NECAP2: variants seen among roughly 807,000 people sequenced by gnomAD.
NECAP2 encodes the protein adaptin ear-binding coat-associated protein 2.
NECAP2 carries 38 observed loss-of-function variants against 37.8 expected under a neutral mutation model. The ratio of observed to expected loss-of-function variants is 1.01; its 90% confidence interval spans 0.78 to 1.32. The LOEUF is 1.32. Among genes scored for constraint, NECAP2 ranks in the 40% most tolerant of loss-of-function variants. The pLI is 0.00. For synonymous variants in NECAP2, 121 were observed against 127.7 expected (o/e 0.95, Z 0.35); for missense variants, 316 against 334.5 (o/e 0.94, Z 0.43).
rs564397655 is a variant in NECAP2 at position 16,448,324 on chromosome 1, T to G, written c.380+183T>G. ...TCATCTCTGCTGTAAAGCCTTCTCTTTTACCTGAGGCTCATCTCTACCATC... is the reference window on the plus strand; with the variant it reads ...TCATCTCTGCTGTAAAGCCTTCTCTGTTACCTGAGGCTCATCTCTACCATC... On this transcript the variant is annotated intron_variant, in intron 4 of 7. Transcript: ENST00000337132. 1.3e-4 allele frequency: 87 copies of G among 646,838 alleles called. No individual in the cohort carries two copies. In the East Asian group the frequency reaches 2.2e-3, roughly 17 times the overall value. The allele number at this position is 646,838 out of a possible 1,614,324, so 40.1% of individuals were successfully genotyped here. A position where few individuals can be genotyped will look rare whatever the true frequency, so the allele number is the denominator to read the frequency against.
intron 6 of NECAP2, among the ~76,000 whole-genome samples, chr1:16,454,442 G>A (rs1202593748): frequency 6.6e-6 from 1 of 151,800 alleles, no homozygotes; most frequent in African/African-American, 2.4e-5. Flanking sequence ...TGCAACCTCC[G>A]CTTCCTGGGT....
intron 6 of NECAP2, chr1:16,455,613 A>G (rs571014666): frequency 5.2e-6 from 3 of 575,858 alleles, no homozygotes; most frequent in Admixed American, 5.9e-5. Context: ...CAGAGCGCAC[A>G]AGGGCTGGTG....
Position 16,440,767 on chromosome 1 carries a change from G to A in NECAP2, c.6G>A (p.Glu2=). Residue 2 remains glutamate, a synonymous_variant, in exon 1 of 8, where the codon GAG becomes GAA. Coordinates refer to ENST00000337132, the MANE Select transcript of NECAP2 (RefSeq NM_018090.5). M[E]ESGYESVLCV... ...GGTGGGCTCCAGGCGTCGCGATGGA[G>A]GAGAGCGGGTACGAGTCGGTGCTCT... 6.2e-7 allele frequency: 1 copy of A among 1,613,960 alleles called. No homozygotes were observed. The highest frequency in any genetic ancestry group is 8.5e-7 in the Non-Finnish European group (1 of 1,179,812).
chr1:16,445,902 A>AAAAAG (rs893237534), intron 2 of NECAP2, among the ~76,000 whole-genome samples: 3 of 151,296 alleles, frequency 2.0e-5, no homozygotes, highest in Non-Finnish European at 3.0e-5. Flanking sequence ...AGACTGTCTC[A>AAAAAG]AAAAGAAAAG....
Position 16,440,760 on chromosome 1 carries a change from C to T in NECAP2, c.-2C>T, listed in dbSNP as rs746257632. The T allele has an allele frequency of 1.7e-5, 27 of 1,612,970 alleles. No homozygotes were observed. The highest frequency in any genetic ancestry group is 8.0e-5 in the African/African-American group (6 of 74,906). ...GAAGTTCGGTGGGCTCCAGGCGTCG[C>T]GATGGAGGAGAGCGGGTACGAGTCG... On this transcript the variant is annotated 5_prime_UTR_variant, in exon 1 of 8. Transcript: ENST00000337132.
chr1:16,455,381 G>A (rs980997129), intron 6 of NECAP2: 1 of 174,780 alleles, frequency 5.7e-6, no homozygotes, highest in African/African-American at 2.4e-5. Context: ...AGTTCATCCA[G>A]ACATGGTAGT....
At position 16,443,662 on chromosome 1, in the gene NECAP2, A is replaced by G. The variant is rs756741997; in HGVS notation, c.123A>G (p.Ser41=). Residue 41 remains serine (S), a synonymous_variant, in exon 2 of 8, where the codon TCA becomes TCG. Coordinates refer to ENST00000337132, the MANE Select transcript of NECAP2 (RefSeq NM_018090.5). ...CGGAGTGGCAGCTGGACCAGCCATCATGGAGTGGCCGGCTGAGGATCACTG... is the reference window on the plus strand; with the variant it reads ...CGGAGTGGCAGCTGGACCAGCCATCGTGGAGTGGCCGGCTGAGGATCACTG... ...RAAEWQLDQP[S]WSGRLRITAK... is the part of the protein sequence containing the mutation. 9 of 1,612,446 alleles carry G rather than the reference A, an allele frequency of 5.6e-6. No individual in the cohort carries two copies. The highest frequency in any genetic ancestry group is 1.7e-5 in the Admixed American group (1 of 59,862).
intron 1 of NECAP2, 74 bp from the exon 2 acceptor site, chr1:16,443,558 C>A: frequency 2.6e-6 from 3 of 1,140,384 alleles, no homozygotes; most frequent in South Asian, 1.3e-5. Flanking sequence ...GAATAAGCAG[C>A]CCTTTCCATT....
At position 16,454,621 on chromosome 1, in the gene NECAP2, T is replaced by A. The variant is rs369817962; in HGVS notation, c.668-1197T>A. ...ATCCACCTGCTTCAGCCACCCAAAG[T>A]GCTGGGATTACAGGCTGAGCCACTG... is the stretch of plus-strand genomic sequence containing the variant. On this transcript the variant is annotated intron_variant, in intron 6 of 7. Coordinates refer to ENST00000337132, the MANE Select transcript of NECAP2 (RefSeq NM_018090.5). Among the ~76,000 whole-genome samples, 33 of 152,350 alleles carry A rather than the reference T, an allele frequency of 2.2e-4. No homozygotes were observed. The East Asian group carries it at 6.2e-3, about 29-fold the overall frequency.
At chr1:16,441,213 AG>A (rs1456537115) in intron 1 of NECAP2, 1 of 233,960 alleles carries the variant, frequency 4.3e-6, no homozygotes, top group Non-Finnish European at 8.5e-6. Flanking sequence ...TTAAGCGGGG[AG>A]GTGCCCTATC....
chr1:16,445,285 C>G (rs2086743801), intron 2 of NECAP2, among the ~76,000 whole-genome samples: 1 of 152,236 alleles, frequency 6.6e-6, no homozygotes. Flanking sequence ...CTAGGCCAGG[C>G]TTTCTCAGCT....
intron 6 of NECAP2, among the ~76,000 whole-genome samples, chr1:16,453,931 T>C (rs1372125956): frequency 6.6e-6 from 1 of 152,196 alleles, no homozygotes; most frequent in African/African-American, 2.4e-5. Context: ...GCAGTTAGCA[T>C]GTCAACAAAC....
In NECAP2 at chr1:16,447,925, T is replaced by C. The variant is rs756112500; in HGVS notation, c.249T>C (p.Ser83=). The C allele has an allele frequency of 6.2e-7, 1 of 1,613,898 alleles. No homozygotes were observed. The change falls in exon 3 of 8, where the codon AGT becomes AGC. Residue 83 remains serine (S), a synonymous_variant. Transcript: ENST00000337132. ...VDQFPGTAVE[S]VTDSSRYFVI... Reference sequence around the variant, plus strand: ...AGTTTCCTGGCACAGCTGTGGAGAGTGTGACGGATTCCAGCAGGTACTTCG... The same window carrying C: ...AGTTTCCTGGCACAGCTGTGGAGAGCGTGACGGATTCCAGCAGGTACTTCG...
At chr1:16,456,398 G>C (rs773711655) in intron 7 of NECAP2, among the ~76,000 whole-genome samples, 1 of 152,164 alleles carries the variant, frequency 6.6e-6, no homozygotes, top group Non-Finnish European at 1.5e-5. Context: ...ACGTCTTTCC[G>C]TGGAGGTTTT....
At chr1:16,452,344 A>G (rs2086857425) in intron 6 of NECAP2, among the ~76,000 whole-genome samples, 3 of 152,104 alleles carry the variant, frequency 2.0e-5, no homozygotes, top group Admixed American at 6.6e-5. Flanking sequence ...GTCTCTGCTC[A>G]CGTGTAGTGA....
intron 2 of NECAP2, among the ~76,000 whole-genome samples, chr1:16,445,852 C>T (rs544243875): frequency 4.6e-5 from 7 of 151,760 alleles, no homozygotes; most frequent in East Asian, 1.9e-4. Flanking sequence ...TGCAGTGAGC[C>T]GAGATTGCGC....
intron 1 of NECAP2, among the ~76,000 whole-genome samples, chr1:16,443,328 T>A (rs959129504): frequency 1.3e-5 from 2 of 152,268 alleles, no homozygotes; most frequent in East Asian, 3.8e-4. Context: ...CTGGGAACAT[T>A]ACATGAATTT....
intron 1 of NECAP2, chr1:16,441,194 C>T (rs1486085546): frequency 7.1e-6 from 2 of 281,272 alleles, no homozygotes; most frequent in Non-Finnish European, 1.4e-5. Context: ...AAGGGATCCT[C>T]GAAAAGCCTT....
chr1:16,449,147 C>T lies in NECAP2; in HGVS notation c.435C>T (p.Gly145=), dbSNP rs143289277. 4.6e-4 allele frequency: 735 copies of T among 1,613,520 alleles called. 2 individuals are homozygous for T. In the African/African-American group the frequency reaches 8.8e-3, roughly 19 times the overall value. The change falls in exon 5 of 8, where the codon GGC becomes GGT. Residue 145 remains glycine, a synonymous_variant. Coordinates refer to ENST00000337132, the MANE Select transcript of NECAP2 (RefSeq NM_018090.5). ...FAKQAQNPDQ[G]PKLDLGFKEG... is the part of the protein sequence containing the mutation. Reference sequence around the variant, plus strand: ...AACAAGCCCAGAACCCAGACCAAGGCCCTAAACTGGACCTGGGCTTCAAGG... The same window carrying T: ...AACAAGCCCAGAACCCAGACCAAGGTCCTAAACTGGACCTGGGCTTCAAGG...
Sources: allele counts gnomAD v4.1 joint callset (sites outside exome capture counted in the v4.1 genomes callset), GRCh38; gene constraint gnomAD v4.1.1; transcripts MANE v1.5; gene names NCBI Gene and HGNC (gene_info 2026-07-23, HGNC 2026-07-21).